The following LRP8 variants were observed in gnomAD, a reference collection of about 807,000 sequenced individuals.
LRP8 encodes low-density lipoprotein receptor-related protein 8.
A neutral mutation model predicts 111.6 loss-of-function variants in LRP8; 46 were observed. The observed-to-expected ratio is 0.41, with a 90% CI of 0.33 to 0.53. The LOEUF is 0.53. Among genes scored for constraint, LRP8 ranks in the 20% least tolerant of loss-of-function variants. LRP8 has a pLI of 0.20. For missense variants in LRP8, 959 were observed against 1,297.4 expected (o/e 0.74, Z 4.01); for synonymous variants, 464 against 511.2 (o/e 0.91, Z 1.24).
At position 53,327,805 on chromosome 1, in the gene LRP8, C is replaced by G. The variant is rs1165666435; in HGVS notation, c.108G>C (p.Pro36=). The change falls in exon 1 of 19, where the codon CCG becomes CCC. Residue 36 remains proline, a synonymous_variant. Coordinates refer to ENST00000306052, the MANE Select transcript of LRP8 (RefSeq NM_004631.5). ...TGCACGCACCTTGGCCGCCGAGCAG[C>G]GGATCAGCCGCTGCCGCCGCAAGAT... The part of the protein sequence containing the change: ...LQHLAAAAAD[P]LLGGQGPAKD... 1 of 1,511,158 alleles carries G rather than the reference C, an allele frequency of 6.6e-7. No individual in the cohort carries two copies. The highest frequency in any genetic ancestry group is 8.8e-7 in the Non-Finnish European group (1 of 1,135,792). 93.6% of individuals were successfully genotyped at this position (1,511,158 alleles called of 1,614,324 possible).
intron 15 of LRP8, among the ~76,000 whole-genome samples, chr1:53,255,699 C>T (rs757204950): frequency 3.3e-5 from 5 of 152,124 alleles, no homozygotes; most frequent in Non-Finnish European, 7.4e-5. Flanking sequence ...GAATCAAAAG[C>T]GCAGACTTCT....
At chr1:53,259,207 G>A (rs1236866678) in intron 13 of LRP8, among the ~76,000 whole-genome samples, 1 of 152,184 alleles carries the variant, frequency 6.6e-6, no homozygotes, top group Non-Finnish European at 1.5e-5. Context: ...AAACTCCTGG[G>A]CTTAAGAAAT....
chr1:53,284,227 C>CTACTACATACCCGTGCCACTTACT (rs1647235564), intron 3 of LRP8, among the ~76,000 whole-genome samples: 1 of 67,130 alleles, frequency 1.5e-5, no homozygotes, highest in East Asian at 7.6e-4. Flanking sequence ...GGCCACTTAC[C>CTACTACATACCCGTGCCACTTACT]TACTACATAC....
At chr1:53,309,581 G>A (rs1347690168) in intron 2 of LRP8, among the ~76,000 whole-genome samples, 1 of 152,210 alleles carries the variant, frequency 6.6e-6, no homozygotes, top group African/African-American at 2.4e-5. Flanking sequence ...ACGGTGAGGG[G>A]AGAGGTCAGG....
chr1:53,253,248 T>C (rs1024733169), intron 16 of LRP8, among the ~76,000 whole-genome samples: 5 of 152,136 alleles, frequency 3.3e-5, no homozygotes, highest in East Asian at 1.9e-4. Flanking sequence ...TCTTAAAAGA[T>C]TGACAAATCT....
chr1:53,269,338 A>C (rs149815062), intron 8 of LRP8, among the ~76,000 whole-genome samples: 6 of 151,664 alleles, frequency 4.0e-5, no homozygotes, highest in Admixed American at 3.9e-4. Context: ...TTTTTTTAGA[A>C]AAGGTCTCAC....
chr1:53,296,595 G>A (rs1168339199), intron 2 of LRP8, among the ~76,000 whole-genome samples: 4 of 152,212 alleles, frequency 2.6e-5, no homozygotes, highest in South Asian at 2.1e-4. Context: ...GGCAGGGGGC[G>A]TGCCAGCCCG....
intron 6 of LRP8, among the ~76,000 whole-genome samples, chr1:53,274,533 G>T (rs550140592): frequency 1.3e-5 from 2 of 152,242 alleles, no homozygotes; most frequent in Non-Finnish European, 2.9e-5. Context: ...CCAGAGGCCT[G>T]GGGGCGAAAA....
intron 16 of LRP8, 89 bp downstream of exon 16, chr1:53,255,028 G>C (rs1646029976): frequency 2.2e-6 from 3 of 1,365,324 alleles, no homozygotes. Context: ...AGTCAATAGG[G>C]CAGGCCAAGT....
rs1163544063 is a variant in LRP8 at position 53,294,313 on chromosome 1, A to G, written c.245-4624T>C. Reference sequence around the variant, plus strand: ...GGACTAGGGGATTCTAGGGGCAGTGAGGAGGGGCTGACCCCAGGGTAGAGT... The same window carrying G: ...GGACTAGGGGATTCTAGGGGCAGTGGGGAGGGGCTGACCCCAGGGTAGAGT... On this transcript the variant is annotated intron_variant, in intron 2 of 18. Transcript: ENST00000306052. The surrounding 1 kb of genome is among the most constrained non-coding windows in gnomAD (Gnocchi z 4.1). Among the ~76,000 whole-genome samples, 1 of 152,232 alleles carries G rather than the reference A, an allele frequency of 6.6e-6. No homozygotes were observed. The highest frequency in any genetic ancestry group is 1.9e-4 in the East Asian group (1 of 5,196).
In LRP8 at chr1:53,258,413, A is replaced by G. The variant is rs1237185334; in HGVS notation, c.2115T>C (p.Leu705=). Residue 705 remains leucine (L), a synonymous_variant, in exon 14 of 19, where the codon CTT becomes CTC. Transcript: ENST00000306052. The part of the protein sequence containing the change: ...QPNGGCEYLC[L]PAPQISSHSP... ...AGTGGCTGGAGATCTGAGGAGCAGG[A>G]AGGCACAGGTATTCACAGCCTCCAT... The G allele has an allele frequency of 1.8e-5, 29 of 1,614,116 alleles. No individual in the cohort carries two copies. Among genetic ancestry groups the G allele is most frequent in the Non-Finnish European group, 2.5e-5 (29 of 1,179,996 alleles).
intron 2 of LRP8, among the ~76,000 whole-genome samples, chr1:53,312,992 C>T (rs1653281967): frequency 6.6e-6 from 1 of 152,192 alleles, no homozygotes; most frequent in African/African-American, 2.4e-5. Flanking sequence ...GAAGCTTGGA[C>T]CAGTGTTCCA....
intron 2 of LRP8, among the ~76,000 whole-genome samples, chr1:53,295,256 A>G (rs1310763702): frequency 1.3e-5 from 2 of 152,182 alleles, no homozygotes; most frequent in African/African-American, 2.4e-5. Context: ...AGAGCAGGGA[A>G]GAGCATTCCA....
chr1:53,289,555 G>A lies in LRP8; in HGVS notation c.367+12C>T. 6.3e-7 allele frequency: 1 copy of A among 1,593,390 alleles called. No individual in the cohort carries two copies. The highest frequency in any genetic ancestry group is 8.6e-7 in the Non-Finnish European group (1 of 1,168,356). On this transcript the variant is annotated intron_variant, in intron 3 of 18. Coordinates refer to ENST00000306052, the MANE Select transcript of LRP8 (RefSeq NM_004631.5). ...AGGCCCACCCCCACCCAGACTGAGG[G>A]GCAGGACTCACTGCAAGTGGCCTCG...
rs1300698243 is a variant in LRP8 at position 53,272,565 on chromosome 1, C to G, written c.1007-1219G>C. ...CATGCACAGCTATGGGGTGCCCCCA[C>G]TTCCAGCCTGAGCCATGCTTAGGGA... is the stretch of plus-strand genomic sequence containing the variant. On this transcript the variant is annotated intron_variant, in intron 6 of 18. Transcript: ENST00000306052. The G allele has an allele frequency of 2.3e-6, 3 of 1,291,884 alleles. No individual in the cohort carries two copies. The South Asian group carries it at 3.7e-5, about 16-fold the overall frequency. The allele number at this position is 1,291,884 out of a possible 1,614,324, so 80.0% of individuals were successfully genotyped here. A position where few individuals can be genotyped will look rare whatever the true frequency, so the allele number is the denominator to read the frequency against.
In LRP8 at chr1:53,266,672, G is replaced by GA; in HGVS notation, c.1253-26dup. On this transcript the variant is annotated intron_variant, in intron 8 of 18. Transcript: ENST00000306052. This position sits in a 1 kb window ranked among gnomAD's most constrained non-coding sequence, Gnocchi z 5.0. ...GCTGTCATGCAGGGAGGTTGAAAGA[G>GA]AAAGAGTCAGTGCAAGAGGCAGGGA... 6 of 1,611,242 alleles carry GA rather than the reference G, an allele frequency of 3.7e-6. No homozygotes were observed. Among genetic ancestry groups the GA allele is most frequent in the Non-Finnish European group, 5.1e-6 (6 of 1,178,006 alleles).
At chr1:53,251,008 G>A in intron 16 of LRP8, 146 bp from the exon 17 acceptor site, 1 of 656,400 alleles carries the variant, frequency 1.5e-6, no homozygotes, top group Non-Finnish European at 2.7e-6. Context: ...CTGTTTGAAA[G>A]CCCATCTCTC....
chr1:53,256,186 T>G (rs1442236068), intron 15 of LRP8, among the ~76,000 whole-genome samples: 1 of 152,204 alleles, frequency 6.6e-6, no homozygotes, highest in African/African-American at 2.4e-5. Flanking sequence ...TTGCTGCAGG[T>G]GAGATGACTG....
chr1:53,246,977 G>C lies in LRP8; in HGVS notation c.*41C>G. ...ATACACCATCCAGAGTGTAGTGCAT[G>C]GGACTGAATTCCATGAGGCACGAAG... On this transcript the variant is annotated 3_prime_UTR_variant, in exon 19 of 19. Coordinates refer to ENST00000306052, the MANE Select transcript of LRP8 (RefSeq NM_004631.5). 1 of 1,584,958 alleles carries C rather than the reference G, an allele frequency of 6.3e-7. No homozygotes were observed. The highest frequency in any genetic ancestry group is 1.1e-5 in the South Asian group (1 of 88,790).
Sources: gnomAD v4.1 joint callset for allele counts (sites outside exome capture counted in the v4.1 genomes callset) on GRCh38, gnomAD v4.1.1 for gene constraint, Gnocchi (gnomAD v3.1) non-coding constraint, MANE v1.5 for transcripts, NCBI Gene and HGNC (gene_info 2026-07-23, HGNC 2026-07-21) for gene names.